TRPC5: variants seen among roughly 807,000 people sequenced by gnomAD.
The protein encoded by TRPC5 is transient receptor potential cation channel subfamily C member 5.
In TRPC5, 9 loss-of-function variants were observed where a neutral mutation model predicts 56.5. The ratio of observed to expected loss-of-function variants is 0.16; its 90% confidence interval spans 0.10 to 0.28. The LOEUF is 0.28. Among genes scored for constraint, TRPC5 ranks in the 10% least tolerant of loss-of-function variants. The pLI is 1.00. For missense variants in TRPC5, 469 were observed against 748.9 expected (o/e 0.63, Z 4.36); for synonymous variants, 282 against 278.5 (o/e 1.01, Z -0.13).
At chrX:112,010,410 A>G (rs1302697597) in intron 1 of TRPC5, among the ~76,000 whole-genome samples, 1 of 111,801 alleles carries the variant, frequency 8.9e-6, no homozygotes, top group Non-Finnish European at 1.9e-5. Flanking sequence ...TGACAGGGAT[A>G]TGTTCTGAGA....
intron 7 of TRPC5, among the ~76,000 whole-genome samples, chrX:111,790,435 G>A (rs1021805848): frequency 1.6e-4 from 18 of 111,016 alleles, no homozygotes; most frequent in Non-Finnish European, 2.8e-4. Context: ...GGGAGGGATA[G>A]CATTAGGAGA....
At chrX:111,912,857 T>C (rs745980475) in intron 2 of TRPC5, 45 bp from the exon 3 acceptor site, 10 of 1,145,386 alleles carry the variant, frequency 8.7e-6, no homozygotes, top group Middle Eastern at 2.4e-4. Context: ...GATTAAAGTT[T>C]GGAGAGAGAA....
chrX:111,801,159 T>G (rs969872911), intron 7 of TRPC5, among the ~76,000 whole-genome samples: 1 of 112,246 alleles, frequency 8.9e-6, no homozygotes, highest in African/African-American at 3.2e-5. Context: ...TATTGGTCCC[T>G]TGTGTGTGTA....
At chrX:111,796,558 C>G (rs1412132883) in intron 7 of TRPC5, among the ~76,000 whole-genome samples, 1 of 111,984 alleles carries the variant, frequency 8.9e-6, no homozygotes, top group Non-Finnish European at 1.9e-5. Context: ...CTTATAAAGC[C>G]ATTGAAGTCT....
chrX:112,037,150 T>C (rs1469205745), intron 1 of TRPC5, among the ~76,000 whole-genome samples: 1 of 112,143 alleles, frequency 8.9e-6, no homozygotes, highest in African/African-American at 3.2e-5. Flanking sequence ...AAACATTGCT[T>C]GTTCAGTGAA....
intron 7 of TRPC5, among the ~76,000 whole-genome samples, chrX:111,796,108 T>C (rs1229352017): frequency 8.9e-6 from 1 of 112,257 alleles, no homozygotes; most frequent in Non-Finnish European, 1.9e-5. Flanking sequence ...GCCTCTGTAG[T>C]GACTTTTTCA....
chrX:111,888,554 C>T (rs1329018792), intron 3 of TRPC5, among the ~76,000 whole-genome samples: 1 of 104,616 alleles, frequency 9.6e-6, no homozygotes, highest in Non-Finnish European at 2.0e-5. Context: ...ATTAGCCAGG[C>T]ATGGTGGCAG....
intron 1 of TRPC5, among the ~76,000 whole-genome samples, chrX:111,970,775 GT>G (rs761229610): frequency 8.0e-4 from 74 of 92,961 alleles, no homozygotes; most frequent in Admixed American, 3.3e-3. Context: ...TCACATTACC[GT>G]TTTTTTTTTT....
Position 111,923,592 on chromosome X carries a change from G to A in TRPC5, c.379-10780C>T, listed in dbSNP as rs777681200. On this transcript the variant is annotated intron_variant, in intron 2 of 10. Coordinates refer to ENST00000262839, the MANE Select transcript of TRPC5 (RefSeq NM_012471.3). ...ATTCCAAAAGTAAGGTCCACCCTGG[G>A]ATGGATATTAGAAACAAACAAACAA... Among the ~76,000 whole-genome samples, 6 of 110,381 alleles carry A rather than the reference G, an allele frequency of 5.4e-5. No individual in the cohort carries two copies. The East Asian group carries it at 1.1e-3, about 21-fold the overall frequency.
chrX:112,071,464 G>C (rs763423361), intron 1 of TRPC5, among the ~76,000 whole-genome samples: 1 of 111,724 alleles, frequency 9.0e-6, no homozygotes, highest in Non-Finnish European at 1.9e-5. Context: ...GTTGGGATTT[G>C]AACTGAGATA....
chrX:112,072,859 C>A (rs1417897117), intron 1 of TRPC5, among the ~76,000 whole-genome samples: 1 of 111,667 alleles, frequency 9.0e-6, no homozygotes, highest in African/African-American at 3.3e-5. Context: ...CACCTTTGAT[C>A]ATATAATTCT....
intron 7 of TRPC5, among the ~76,000 whole-genome samples, chrX:111,785,758 C>T (rs1483014743): frequency 3.6e-5 from 4 of 111,586 alleles, no homozygotes; most frequent in Admixed American, 9.5e-5. Flanking sequence ...ACAAGAACTT[C>T]GTGACACATG....
chrX:111,972,532 T>C (rs1261745554), intron 1 of TRPC5, among the ~76,000 whole-genome samples: 1 of 112,263 alleles, frequency 8.9e-6, no homozygotes. Flanking sequence ...GTCAGCATTG[T>C]TCTGCCCCTG....
At chrX:112,013,145 T>C (rs1055167180) in intron 1 of TRPC5, among the ~76,000 whole-genome samples, 4 of 108,374 alleles carry the variant, frequency 3.7e-5, no homozygotes, top group Non-Finnish European at 5.7e-5. Context: ...GTTGTTGTTG[T>C]TATTTATTTA....
chrX:112,026,437 G>A (rs1477959496), intron 1 of TRPC5, among the ~76,000 whole-genome samples: 1 of 111,835 alleles, frequency 8.9e-6, no homozygotes, highest in Non-Finnish European at 1.9e-5. Flanking sequence ...TTTTGTTTTG[G>A]TCATGGAACC....
At chrX:112,018,198 A>T (rs189992314) in intron 1 of TRPC5, among the ~76,000 whole-genome samples, 1 of 112,579 alleles carries the variant, frequency 8.9e-6, no homozygotes, top group African/African-American at 3.2e-5. Flanking sequence ...CTAGACTGTC[A>T]GCTCCATGAG....
intron 1 of TRPC5, among the ~76,000 whole-genome samples, chrX:112,065,658 A>G (rs1422840500): frequency 8.9e-6 from 1 of 111,825 alleles, no homozygotes; most frequent in Admixed American, 9.5e-5. Context: ...TGGGAGACAG[A>G]GGCGGGTGGA....
At chrX:111,980,924 TACAC>T (rs112411131) in intron 1 of TRPC5, among the ~76,000 whole-genome samples, 59 of 101,690 alleles carry the variant, frequency 5.8e-4, no homozygotes, top group African/African-American at 2.0e-3. Flanking sequence ...TATATATATA[TACAC>T]ACACACACAC....
At chrX:111,823,568 T>G (rs1603044371) in intron 7 of TRPC5, among the ~76,000 whole-genome samples, 1 of 111,132 alleles carries the variant, frequency 9.0e-6, no homozygotes, top group East Asian at 2.9e-4. Context: ...CTTGCTCATT[T>G]GGGGAGGCTG....
Sources: gnomAD v4.1 joint callset for allele counts (sites outside exome capture counted in the v4.1 genomes callset) on GRCh38, gnomAD v4.1.1 for gene constraint, MANE v1.5 for transcripts, NCBI Gene and HGNC (gene_info 2026-07-23, HGNC 2026-07-21) for gene names.